TSPAN9: variants seen among roughly 807,000 people sequenced by gnomAD.
The protein encoded by TSPAN9 is tetraspanin 9.
Under a neutral mutation model 31.0 loss-of-function variants are expected in TSPAN9, and 16 were observed. The observed-to-expected ratio is 0.52, with a 90% confidence interval of 0.35 to 0.78. The LOEUF (loss-of-function observed/expected upper bound fraction) is 0.78. Ranked by LOEUF, TSPAN9 falls within the 30% of genes least tolerant of loss-of-function variation. The pLI is 0.01. For synonymous variants in TSPAN9, 145 were observed against 121.6 expected (o/e 1.19, Z -1.27); for missense variants, 272 against 312.5 (o/e 0.87, Z 0.98).
Position 3,274,240 on chromosome 12 carries a change from C to G in TSPAN9, c.64-4181C>G, listed in dbSNP as rs138743898. 8.5e-5 allele frequency among the ~76,000 whole-genome samples: 13 copies of G among 152,280 alleles called. No individual in the cohort carries two copies. In the East Asian group the frequency reaches 2.5e-3, roughly 29 times the overall value. On this transcript the variant is annotated intron_variant, in intron 3 of 8. Transcript: ENST00000011898. Reference sequence around the variant, plus strand: ...TGTTCCCTGGGGAGCAGAATTGCTCCTGATTGGGAACCACTGGGCTGAGGG... The same window carrying G: ...TGTTCCCTGGGGAGCAGAATTGCTCGTGATTGGGAACCACTGGGCTGAGGG...
intron 2 of TSPAN9, chr12:3,171,578 A>C (rs1188483190): frequency 6.6e-6 from 1 of 152,188 alleles, no homozygotes; most frequent in Non-Finnish European, 1.5e-5. Flanking sequence ...AAGATAATCG[A>C]GTACTTGGTC....
At chr12:3,085,556 A>G (rs2098300061) in intron 2 of TSPAN9, among the ~76,000 whole-genome samples, 3 of 152,194 alleles carry the variant, frequency 2.0e-5, no homozygotes, top group South Asian at 2.1e-4. Context: ...CTCTGGAGCC[A>G]TGCTCTGGGA....
At position 3,139,500 on chromosome 12, in the gene TSPAN9, C is replaced by T. The variant is rs117586776; in HGVS notation, c.-18+55781C>T. 1.1e-3 allele frequency among the ~76,000 whole-genome samples: 164 copies of T among 152,342 alleles called. 2 individuals are homozygous for T. In the East Asian group the frequency reaches 0.026, roughly 24 times the overall value. On this transcript the variant is annotated intron_variant, in intron 2 of 8. Transcript: ENST00000011898. Reference sequence around the variant, plus strand: ...TGCGCTGCCCTCTGCTCCTTCTTGACCTGGCCCTTGGCCTAATGCTCAGCC... The same window carrying T: ...TGCGCTGCCCTCTGCTCCTTCTTGATCTGGCCCTTGGCCTAATGCTCAGCC...
intron 3 of TSPAN9, among the ~76,000 whole-genome samples, chr12:3,241,343 A>G (rs1418912360): frequency 6.6e-6 from 1 of 152,254 alleles, no homozygotes; most frequent in African/African-American, 2.4e-5. Flanking sequence ...CGTGGCATTT[A>G]TATACTATGT....
chr12:3,165,283 C>T lies in TSPAN9; in HGVS notation c.-17-35894C>T, dbSNP rs112185751. Among the ~76,000 whole-genome samples, 459 of 152,292 alleles carry T rather than the reference C, an allele frequency of 3.0e-3. 2 individuals are homozygous for T. Among genetic ancestry groups the T allele is most frequent in the African/African-American group, 0.011 (441 of 41,558 alleles). ...GCAAAGAAGCAGGAAGTACTGGCCA[C>T]GAATCCCACTGCTCATCCTCTCTGT... On this transcript the variant is annotated intron_variant, in intron 2 of 8. Coordinates refer to ENST00000011898, the MANE Select transcript of TSPAN9 (RefSeq NM_006675.5).
rs184442976 is a variant in TSPAN9 at position 3,079,001 on chromosome 12, A to G, written c.-85+1548A>G. Among the ~76,000 whole-genome samples, 389 of 144,854 alleles carry G rather than the reference A, an allele frequency of 2.7e-3. 2 individuals are homozygous for G. The highest frequency in any genetic ancestry group is 9.5e-3 in the African/African-American group (366 of 38,672). On this transcript the variant is annotated intron_variant, in intron 1 of 8. Coordinates refer to ENST00000011898, the MANE Select transcript of TSPAN9 (RefSeq NM_006675.5). Reference sequence around the variant, plus strand: ...TGTTACTTTTTTTTTTTTTTTTGAGACAGAGTCTCACTCTGTTGCCCAGGC... The same window carrying G: ...TGTTACTTTTTTTTTTTTTTTTGAGGCAGAGTCTCACTCTGTTGCCCAGGC...
intron 2 of TSPAN9, among the ~76,000 whole-genome samples, chr12:3,160,106 C>G (rs374704950): frequency 7.2e-5 from 11 of 152,330 alleles, no homozygotes; most frequent in Admixed American, 3.9e-4. Flanking sequence ...ATTCCTCCCC[C>G]AGCCCTGGGC....
At chr12:3,132,002 G>A (rs977826888) in intron 2 of TSPAN9, among the ~76,000 whole-genome samples, 1 of 152,112 alleles carries the variant, frequency 6.6e-6, no homozygotes, top group African/African-American at 2.4e-5. Flanking sequence ...TGGACATTTC[G>A]TGTAAATAGA....
At chr12:3,106,436 A>G (rs2098314719) in intron 2 of TSPAN9, among the ~76,000 whole-genome samples, 1 of 152,210 alleles carries the variant, frequency 6.6e-6, no homozygotes, top group Non-Finnish European at 1.5e-5. Context: ...AAAGTTAACA[A>G]AGGCAGAAAC....
At chr12:3,218,146 C>G (rs969942402) in intron 3 of TSPAN9, among the ~76,000 whole-genome samples, 6 of 151,984 alleles carry the variant, frequency 3.9e-5, no homozygotes, top group African/African-American at 1.5e-4. Context: ...GTGCTCAGCC[C>G]CCATTTTTTC....
intron 3 of TSPAN9, among the ~76,000 whole-genome samples, chr12:3,246,542 T>C (rs1591703468): frequency 6.6e-6 from 1 of 152,110 alleles, no homozygotes; most frequent in East Asian, 1.9e-4. Context: ...CTGGCAAAAT[T>C]TCCCACTTGA....
At chr12:3,253,937 C>T (rs1195039979) in intron 3 of TSPAN9, among the ~76,000 whole-genome samples, 1 of 152,184 alleles carries the variant, frequency 6.6e-6, no homozygotes, top group African/African-American at 2.4e-5. Context: ...ACAGGAGGTC[C>T]AGGGTGGAGC....
chr12:3,253,217 G>A (rs771890102), intron 3 of TSPAN9, among the ~76,000 whole-genome samples: 4 of 152,170 alleles, frequency 2.6e-5, no homozygotes, highest in Non-Finnish European at 4.4e-5. Context: ...AAGCAGGCCC[G>A]CGTTCCTAAG....
chr12:3,241,724 G>A (rs995045228), intron 3 of TSPAN9, among the ~76,000 whole-genome samples: 1 of 152,202 alleles, frequency 6.6e-6, no homozygotes, highest in African/African-American at 2.4e-5. Flanking sequence ...ACCTTGGGTG[G>A]AGGTCCCGGC....
intron 2 of TSPAN9, among the ~76,000 whole-genome samples, chr12:3,129,203 T>G (rs2098328689): frequency 6.6e-6 from 1 of 152,228 alleles, no homozygotes; most frequent in Admixed American, 6.5e-5. Flanking sequence ...TTTTGGCTAT[T>G]GTGCAGCATC....
intron 2 of TSPAN9, among the ~76,000 whole-genome samples, chr12:3,191,932 G>GCC (rs2098364617): frequency 6.6e-6 from 1 of 152,202 alleles, no homozygotes; most frequent in Non-Finnish European, 1.5e-5. Context: ...GTGGGGGGCA[G>GCC]CCAGAAAACT....
intron 2 of TSPAN9, among the ~76,000 whole-genome samples, chr12:3,145,862 G>C (rs760309217): frequency 2.6e-5 from 4 of 152,234 alleles, no homozygotes; most frequent in Non-Finnish European, 5.9e-5. Flanking sequence ...TCCTGGTGCA[G>C]TGTTCCGAAA....
chr12:3,096,363 G>A (rs890216366), intron 2 of TSPAN9, among the ~76,000 whole-genome samples: 2 of 152,050 alleles, frequency 1.3e-5, no homozygotes, highest in Admixed American at 6.6e-5. Flanking sequence ...GGACTTCTGC[G>A]GCCTCACTGG....
At chr12:3,234,711 AGCTGCT>A (rs1299351880) in intron 3 of TSPAN9, among the ~76,000 whole-genome samples, 1 of 152,178 alleles carries the variant, frequency 6.6e-6, no homozygotes. Flanking sequence ...TTCCAGGATC[AGCTGCT>A]GATGGCAGGG....
Sources: allele counts gnomAD v4.1 joint callset (sites outside exome capture counted in the v4.1 genomes callset), GRCh38; gene constraint gnomAD v4.1.1; transcripts MANE v1.5; gene names NCBI Gene and HGNC (gene_info 2026-07-23, HGNC 2026-07-21).